The following TTC28 variants were observed in gnomAD, a reference collection of about 807,000 sequenced individuals.
TTC28 encodes the protein tetratricopeptide repeat protein 28.
In TTC28, 61 loss-of-function variants were observed where a neutral mutation model predicts 198.0. The observed-to-expected ratio is 0.31, with a 90% CI of 0.25 to 0.38. The LOEUF is 0.38. Ranked by LOEUF, TTC28 falls within the 10% of genes least tolerant of loss-of-function variation. The pLI, the probability that TTC28 is intolerant of heterozygous loss-of-function variation, is 1.00. For missense variants in TTC28, 2,678 were observed against 3,164.0 expected, an observed-to-expected ratio of 0.85 and a Z score of 3.69; for synonymous variants, 1,171 against 1,297.8, an observed-to-expected ratio of 0.90 and a Z score of 2.10.
At chr22:28,637,016 T>G (rs926942872) in intron 1 of TTC28, among the ~76,000 whole-genome samples, 43 of 142,718 alleles carry the variant, frequency 3.0e-4, no homozygotes, top group African/African-American at 3.9e-4. Flanking sequence ...TTTTTTTTTT[T>G]TTTTTTTTTT....
chr22:28,084,861 A>C (rs896141644), intron 12 of TTC28, among the ~76,000 whole-genome samples: 2 of 152,214 alleles, frequency 1.3e-5, no homozygotes, highest in African/African-American at 4.8e-5. Flanking sequence ...CTACGTGATG[A>C]ATGCACAAGC....
intron 2 of TTC28, among the ~76,000 whole-genome samples, chr22:28,623,133 A>AT (rs1489360897): frequency 2.0e-5 from 3 of 151,796 alleles, no homozygotes; most frequent in African/African-American, 7.3e-5. Context: ...CAAAATAGAT[A>AT]TTTTTTAAGA....
At chr22:28,539,247 G>C (rs961313918) in intron 2 of TTC28, among the ~76,000 whole-genome samples, 2 of 152,248 alleles carry the variant, frequency 1.3e-5, no homozygotes, top group Admixed American at 1.3e-4. Flanking sequence ...TGACAGGCTG[G>C]GGGGTAGATT....
At chr22:28,036,771 G>GC (rs1475934182) in intron 12 of TTC28, among the ~76,000 whole-genome samples, 3 of 152,106 alleles carry the variant, frequency 2.0e-5, no homozygotes, top group Admixed American at 6.5e-5. Context: ...CAGACCGCTA[G>GC]CAAGACTAAT....
chr22:28,401,835 A>G (rs932573435), intron 2 of TTC28, among the ~76,000 whole-genome samples: 10 of 152,234 alleles, frequency 6.6e-5, no homozygotes, highest in African/African-American at 2.2e-4. Context: ...GAGCATAGAC[A>G]TAATCAATTA....
intron 13 of TTC28, chr22:28,029,115 C>T: frequency 2.1e-6 from 1 of 471,186 alleles, no homozygotes; most frequent in Non-Finnish European, 4.4e-6. Context: ...CTGGTTGCAT[C>T]CCTACATGAA....
intron 2 of TTC28, among the ~76,000 whole-genome samples, chr22:28,542,075 C>T (rs1250945895): frequency 1.3e-5 from 2 of 151,952 alleles, no homozygotes; most frequent in Non-Finnish European, 1.5e-5. Flanking sequence ...GGTAACAGAA[C>T]AAGATCCCAT....
At chr22:28,529,096 C>T (rs1036511292) in intron 2 of TTC28, among the ~76,000 whole-genome samples, 16 of 152,142 alleles carry the variant, frequency 1.1e-4, no homozygotes, top group African/African-American at 2.9e-4. Context: ...GAGTGTGAGC[C>T]GAAGCAGGGC....
At chr22:28,361,458 C>T (rs1030313289) in intron 2 of TTC28, among the ~76,000 whole-genome samples, 1 of 152,086 alleles carries the variant, frequency 6.6e-6, no homozygotes, top group Non-Finnish European at 1.5e-5. Context: ...CCTAACTATT[C>T]AGTTCTATGA....
At chr22:28,381,310 C>T (rs1220188152) in intron 2 of TTC28, among the ~76,000 whole-genome samples, 3 of 152,086 alleles carry the variant, frequency 2.0e-5, no homozygotes, top group Non-Finnish European at 4.4e-5. Flanking sequence ...ATAGTACCTG[C>T]CCTTGATTCA....
At chr22:28,489,632 C>G (rs5997369) in intron 2 of TTC28, among the ~76,000 whole-genome samples, 14,498 of 151,864 alleles carry the variant, frequency 0.095, 1,302 homozygotes, top group African/African-American at 0.24. Context: ...TCAAGACAGG[C>G]TAGGTTAGCT....
chr22:28,277,657 A>C (rs1273750609), intron 5 of TTC28, among the ~76,000 whole-genome samples: 2 of 152,218 alleles, frequency 1.3e-5, no homozygotes, highest in African/African-American at 4.8e-5. Context: ...ATCATATTCC[A>C]AGTAGCTAGC....
At chr22:28,165,987 T>C (rs1042014878) in intron 5 of TTC28, among the ~76,000 whole-genome samples, 1 of 152,028 alleles carries the variant, frequency 6.6e-6, no homozygotes, top group Non-Finnish European at 1.5e-5. Context: ...GAGGAAGATC[T>C]ACCAAGCAAA....
At chr22:28,250,347 T>G (rs1460651455) in intron 5 of TTC28, among the ~76,000 whole-genome samples, 2 of 152,204 alleles carry the variant, frequency 1.3e-5, no homozygotes, top group Admixed American at 1.3e-4. Context: ...AAACTCTACA[T>G]CTCTCATAAG....
intron 2 of TTC28, among the ~76,000 whole-genome samples, chr22:28,412,427 G>C (rs1006740861): frequency 2.6e-5 from 4 of 152,130 alleles, no homozygotes; most frequent in South Asian, 2.1e-4. Context: ...AATGTCTATT[G>C]AATGTGTGCT....
At chr22:28,497,252 A>G (rs1201259147) in intron 2 of TTC28, among the ~76,000 whole-genome samples, 3 of 152,208 alleles carry the variant, frequency 2.0e-5, no homozygotes, top group South Asian at 2.1e-4. Flanking sequence ...AACACAGAGT[A>G]GAAGTTCAAC....
intron 14 of TTC28, among the ~76,000 whole-genome samples, chr22:28,004,725 C>T (rs532485783): frequency 6.6e-6 from 1 of 152,314 alleles, no homozygotes; most frequent in South Asian, 2.1e-4. Context: ...ACTGATTGGA[C>T]ATGTTAGAGA....
chr22:28,101,030 T>C (rs1942131541), intron 9 of TTC28, 141 bp downstream of exon 9: 4 of 583,238 alleles, frequency 6.9e-6, no homozygotes, highest in Non-Finnish European at 1.2e-5. Context: ...TCTGGGCTAG[T>C]ACAGGCGGGA....
chr22:28,601,379 T>C (rs2050636370), intron 2 of TTC28, among the ~76,000 whole-genome samples: 1 of 152,148 alleles, frequency 6.6e-6, no homozygotes, highest in Non-Finnish European at 1.5e-5. Context: ...TCTGCATCTG[T>C]GGATTCAACC....
Sources: gnomAD v4.1 joint callset for allele counts (sites outside exome capture counted in the v4.1 genomes callset) on GRCh38, gnomAD v4.1.1 for gene constraint, MANE v1.5 for transcripts, NCBI Gene and HGNC (gene_info 2026-07-23, HGNC 2026-07-21) for gene names.